Variants in CREB1 observed in about 807,000 individuals in gnomAD.
The protein encoded by CREB1 is cyclic AMP-responsive element-binding protein 1.
Under a neutral mutation model 42.0 loss-of-function variants are expected in CREB1, and 2 were observed. That is an observed-to-expected ratio of 0.05 (90% CI 0.02 to 0.15). The LOEUF is 0.15. CREB1 is among the 10% of genes least tolerant of loss of function. The pLI, the probability that CREB1 is intolerant of heterozygous loss-of-function variation, is 1.00. For missense variants in CREB1, 199 were observed against 388.9 expected (o/e 0.51, Z 4.11); for synonymous variants, 123 against 139.9 (o/e 0.88, Z 0.85).
chr2:207,560,897 T>C (rs932908523), intron 3 of CREB1, among the ~76,000 whole-genome samples: 6 of 152,190 alleles, frequency 3.9e-5, no homozygotes, highest in Non-Finnish European at 5.9e-5. Context: ...TCAGGAATTA[T>C]ACTATGCATG....
At chr2:207,561,261 T>A in intron 3 of CREB1, 2 of 1,065,250 alleles carry the variant, frequency 1.9e-6, no homozygotes, top group South Asian at 2.8e-5. Flanking sequence ...ACATGGAATT[T>A]CAACACTTGA....
chr2:207,571,237 C>G (rs1411764186), intron 5 of CREB1, among the ~76,000 whole-genome samples: 1 of 151,958 alleles, frequency 6.6e-6, no homozygotes, highest in Non-Finnish European at 1.5e-5. Flanking sequence ...AGGCCAGGCA[C>G]AGTGGCTCAT....
At chr2:207,582,038 A>T in intron 7 of CREB1, 1 of 699,674 alleles carries the variant, frequency 1.4e-6, no homozygotes, top group East Asian at 2.7e-5. Context: ...GAGCACATAC[A>T]TAATTGGCGA....
In CREB1 at chr2:207,600,984, T is replaced by C. The variant is rs527365482; in HGVS notation, c.*3926T>C. The C allele has an allele frequency of 2.8e-4, 27 of 94,876 alleles. No individual in the cohort carries two copies. In the East Asian group the frequency reaches 3.6e-3, roughly 13 times the overall value. 5.9% of individuals were successfully genotyped at this position (94,876 alleles called of 1,614,324 possible). On this transcript the variant is annotated 3_prime_UTR_variant, in exon 8 of 8. Coordinates refer to ENST00000353267, the MANE Select transcript of CREB1 (RefSeq NM_004379.5). ...AGCCACAGTCAGCTATTACCATAAA[T>C]TGGTCTCTGTTTATTTTGAAGATCA...
intron 1 of CREB1, among the ~76,000 whole-genome samples, chr2:207,537,221 A>G (rs2106349014): frequency 6.6e-6 from 1 of 151,972 alleles, no homozygotes; most frequent in South Asian, 2.1e-4. Context: ...TGCCCAGCTA[A>G]AGAGACAGGG....
intron 7 of CREB1, among the ~76,000 whole-genome samples, chr2:207,596,325 G>C (rs567630625): frequency 1.3e-5 from 2 of 152,312 alleles, no homozygotes; most frequent in African/African-American, 4.8e-5. Flanking sequence ...CTTAGTTATT[G>C]ATATGGATAG....
intron 2 of CREB1, among the ~76,000 whole-genome samples, chr2:207,559,675 TAGTA>T (rs2081879673): frequency 6.6e-6 from 1 of 152,182 alleles, no homozygotes; most frequent in Non-Finnish European, 1.5e-5. Flanking sequence ...GTTCTAGACT[TAGTA>T]GGTCAGGTTT....
At chr2:207,546,502 G>A (rs974201418) in intron 1 of CREB1, among the ~76,000 whole-genome samples, 14 of 152,094 alleles carry the variant, frequency 9.2e-5, no homozygotes, top group Non-Finnish European at 1.9e-4. Flanking sequence ...TGAGGTGGGC[G>A]GATCACCTGA....
Position 207,536,009 on chromosome 2 carries a change from C to T in CREB1, c.-9+5875C>T, listed in dbSNP as rs140405292. Among the ~76,000 whole-genome samples the T allele has an allele frequency of 8.1e-3, 1,231 of 151,872 alleles. 18 individuals are homozygous for T. The highest frequency in any genetic ancestry group is 0.028 in the African/African-American group (1,170 of 41,432). ...CTAATTTTTTGTAGAGACAGAGTTT[C>T]GCCATGTTGCCCAGGCTGGTCTCAA... is the stretch of plus-strand genomic sequence containing the variant. On this transcript the variant is annotated intron_variant, in intron 1 of 7. Coordinates refer to ENST00000353267, the MANE Select transcript of CREB1 (RefSeq NM_004379.5).
chr2:207,570,138 G>A (rs750939694), intron 4 of CREB1, 41 bp from the exon 5 acceptor site: 21 of 1,448,682 alleles, frequency 1.4e-5, no homozygotes, highest in African/African-American at 5.9e-5. Flanking sequence ...CCAGTAAATT[G>A]TACTTATATT....
intron 7 of CREB1, among the ~76,000 whole-genome samples, chr2:207,586,757 T>A (rs1455361271): frequency 6.6e-6 from 1 of 152,174 alleles, no homozygotes; most frequent in Non-Finnish European, 1.5e-5. Flanking sequence ...GAATAGACAT[T>A]TCTCAAAAGA....
intron 7 of CREB1, among the ~76,000 whole-genome samples, chr2:207,592,003 C>G (rs1433567538): frequency 6.6e-6 from 1 of 152,074 alleles, no homozygotes; most frequent in East Asian, 1.9e-4. Context: ...CTCAAAAACT[C>G]TTTTTTACAT....
intron 1 of CREB1, among the ~76,000 whole-genome samples, chr2:207,553,183 CT>C (rs1485761477): frequency 2.7e-5 from 4 of 150,750 alleles, no homozygotes; most frequent in Non-Finnish European, 4.4e-5. Flanking sequence ...ATTCTCCTGC[CT>C]CAGCCTCCCG....
At chr2:207,537,694 G>A (rs1032012165) in intron 1 of CREB1, among the ~76,000 whole-genome samples, 13 of 152,176 alleles carry the variant, frequency 8.5e-5, no homozygotes, top group Admixed American at 8.5e-4. Flanking sequence ...AAGAATAGAC[G>A]TTAGTTTTTA....
chr2:207,540,286 T>G (rs1227639251), intron 1 of CREB1, among the ~76,000 whole-genome samples: 4 of 152,178 alleles, frequency 2.6e-5, no homozygotes, highest in Non-Finnish European at 4.4e-5. Context: ...AAGGCTGTGA[T>G]GTTGACAATC....
intron 3 of CREB1, among the ~76,000 whole-genome samples, chr2:207,566,863 T>G (rs888646165): frequency 6.6e-6 from 1 of 152,222 alleles, no homozygotes; most frequent in African/African-American, 2.4e-5. Flanking sequence ...TCACTTATCT[T>G]CATTACTTTT....
At chr2:207,590,906 A>G (rs1028379385) in intron 7 of CREB1, among the ~76,000 whole-genome samples, 1 of 152,132 alleles carries the variant, frequency 6.6e-6, no homozygotes, top group Non-Finnish European at 1.5e-5. Context: ...GTGTCCCACA[A>G]ATTTTGGGTT....
Position 207,599,452 on chromosome 2 carries a change from G to C in CREB1, c.*2394G>C. ...AAAGTTCAGGCTTTCTACTTACTGG[G>C]AAGTTGGTGGTCCTCTTAGTCCCTG... On this transcript the variant is annotated 3_prime_UTR_variant, in exon 8 of 8. Transcript: ENST00000353267. The C allele has an allele frequency of 5.0e-6, 1 of 198,176 alleles. No individual in the cohort carries two copies. 12.3% of individuals were successfully genotyped at this position (198,176 alleles called of 1,614,324 possible). A position where few individuals can be genotyped will look rare whatever the true frequency, so the allele number is the denominator to read the frequency against.
intron 2 of CREB1, among the ~76,000 whole-genome samples, chr2:207,558,720 C>T (rs1375729636): frequency 2.0e-5 from 3 of 151,490 alleles, no homozygotes; most frequent in Middle Eastern, 3.4e-3. Context: ...TCTCGGCTCA[C>T]TGCAACCTCT....
Sources: allele counts gnomAD v4.1 joint callset (sites outside exome capture counted in the v4.1 genomes callset), GRCh38; gene constraint gnomAD v4.1.1; transcripts MANE v1.5; gene names NCBI Gene and HGNC (gene_info 2026-07-23, HGNC 2026-07-21).